The following TAPT1 variants were observed in gnomAD, a reference collection of about 807,000 sequenced individuals.
TAPT1 encodes the protein transmembrane anterior posterior transformation protein 1 homolog.
In TAPT1, 28 loss-of-function variants were observed where a neutral mutation model predicts 65.6. The observed-to-expected ratio is 0.43, with a 90% CI of 0.32 to 0.59. The LOEUF (loss-of-function observed/expected upper bound fraction) is 0.59, where lower values mean the gene tolerates loss of function less well. Among genes scored for constraint, TAPT1 ranks in the 20% least tolerant of loss-of-function variants. The pLI, the probability that TAPT1 is intolerant of heterozygous loss-of-function variation, is 0.09. For missense variants in TAPT1, 563 were observed against 679.9 expected, an observed-to-expected ratio of 0.83 and a Z score of 1.91; for synonymous variants, 278 against 245.2, an observed-to-expected ratio of 1.13 and a Z score of -1.25.
intron 12 of TAPT1, among the ~76,000 whole-genome samples, chr4:16,167,416 A>G (rs1036390687): frequency 2.0e-5 from 3 of 152,244 alleles, no homozygotes; most frequent in Non-Finnish European, 2.9e-5. Flanking sequence ...AAAAGAACAT[A>G]ATAAAATTAC....
At chr4:16,178,624 TGTC>T (rs1748501240) in intron 8 of TAPT1, among the ~76,000 whole-genome samples, 1 of 152,136 alleles carries the variant, frequency 6.6e-6, no homozygotes, top group African/African-American at 2.4e-5. Flanking sequence ...GTCCTACAAA[TGTC>T]GTAGTATTTT....
At chr4:16,190,127 T>G (rs546779688) in intron 4 of TAPT1, 1 of 152,114 alleles carries the variant, frequency 6.6e-6, no homozygotes, top group African/African-American at 2.4e-5. Context: ...GTCTTGAATT[T>G]AGGAGGTACC....
chr4:16,208,513 C>CTGGG (rs1750469057), intron 2 of TAPT1, among the ~76,000 whole-genome samples: 1 of 152,128 alleles, frequency 6.6e-6, no homozygotes, highest in Non-Finnish European at 1.5e-5. Flanking sequence ...GTGGCAATGC[C>CTGGG]CACCCCATTT....
In TAPT1 at chr4:16,175,747, C is replaced by A. The variant is rs1338587049; in HGVS notation, c.1107+372G>T. 6.6e-5 allele frequency among the ~76,000 whole-genome samples: 10 copies of A among 152,140 alleles called. No homozygotes were observed. The East Asian group carries it at 1.9e-3, about 29-fold the overall frequency. On this transcript the variant is annotated intron_variant, in intron 9 of 13. Transcript: ENST00000405303. ...CCTATTCATAATCGTGGAAAAAAAT[C>A]AACTTTTAAATATAAAATATTTTAA...
chr4:16,186,557 ATTG>A lies in TAPT1; in HGVS notation c.891_893del (p.Asn298del), dbSNP rs1218797188. On this transcript the variant is annotated inframe_deletion, in exon 7 of 14. Transcript: ENST00000405303. ...TACCGCTATTTGACATTTGAAAGAG[ATTG>A]TTCTTTTCAAACTTCTTGAAAACAC... The A allele has an allele frequency of 2.0e-6, 3 of 1,533,964 alleles. No homozygotes were observed. The East Asian group carries it at 7.3e-5, about 37-fold the overall frequency.
At chr4:16,225,848 T>C in intron 1 of TAPT1, 1 of 984,540 alleles carries the variant, frequency 1.0e-6, no homozygotes, top group South Asian at 4.7e-5. Flanking sequence ...TCAAGTTTGC[T>C]TAAAATACAG....
intron 7 of TAPT1, among the ~76,000 whole-genome samples, chr4:16,179,920 A>G (rs1444569594): frequency 6.6e-6 from 1 of 152,148 alleles, no homozygotes; most frequent in Non-Finnish European, 1.5e-5. Flanking sequence ...AACTTCAAAA[A>G]GTATTCAAAC....
intron 1 of TAPT1, chr4:16,214,523 C>A (rs183446156): frequency 6.6e-6 from 1 of 152,308 alleles, no homozygotes; most frequent in Admixed American, 6.5e-5. Flanking sequence ...CGTGTTTTTC[C>A]TCTGTTCCTC....
chr4:16,189,405 AG>A (rs1228594075), intron 4 of TAPT1, among the ~76,000 whole-genome samples: 1 of 152,212 alleles, frequency 6.6e-6, no homozygotes, highest in Non-Finnish European at 1.5e-5. Flanking sequence ...GTGAGTCTTC[AG>A]GGTCTAAGAT....
chr4:16,173,257 G>A (rs551522666), intron 11 of TAPT1, among the ~76,000 whole-genome samples: 1 of 152,056 alleles, frequency 6.6e-6, no homozygotes, highest in Non-Finnish European at 1.5e-5. Context: ...CACTAAGCCA[G>A]GCTAAACAAA....
intron 1 of TAPT1, among the ~76,000 whole-genome samples, chr4:16,223,033 C>A (rs1751344766): frequency 6.6e-6 from 1 of 152,130 alleles, no homozygotes; most frequent in African/African-American, 2.4e-5. Flanking sequence ...CTTATTTACA[C>A]CAAGCCTTCT....
At chr4:16,190,749 AT>A (rs1242945414) in intron 4 of TAPT1, 1 of 154,832 alleles carries the variant, frequency 6.5e-6, no homozygotes, top group Non-Finnish European at 1.5e-5. Context: ...GTGAATGTAT[AT>A]CAGCTCAACT....
intron 3 of TAPT1, among the ~76,000 whole-genome samples, chr4:16,196,138 AG>A (rs1749693463): frequency 6.6e-6 from 1 of 152,244 alleles, no homozygotes; most frequent in South Asian, 2.1e-4. Context: ...ACTGGAATAA[AG>A]TAGTGAAATC....
At chr4:16,172,761 G>C (rs1029576773) in intron 11 of TAPT1, among the ~76,000 whole-genome samples, 23 of 151,982 alleles carry the variant, frequency 1.5e-4, no homozygotes, top group Admixed American at 7.9e-4. Flanking sequence ...TGAGACTGCA[G>C]CTATAGAAGT....
chr4:16,205,737 A>T (rs762436230), intron 2 of TAPT1, among the ~76,000 whole-genome samples: 9 of 152,080 alleles, frequency 5.9e-5, no homozygotes, highest in Non-Finnish European at 1.2e-4. Context: ...CCAAGGAAAG[A>T]GCATGCACAG....
In TAPT1 at chr4:16,163,493, G is replaced by A; in HGVS notation, c.1519C>T (p.Pro507Ser). The A allele has an allele frequency of 6.2e-7, 1 of 1,613,978 alleles. No homozygotes were observed. Among genetic ancestry groups the A allele is most frequent in the Non-Finnish European group, 8.5e-7 (1 of 1,179,878 alleles). The change falls in exon 14 of 14, where the codon CCT becomes TCT. Residue 507 changes from proline to serine, a missense_variant. Physicochemically the swap from Pro to Ser is moderately conservative, Grantham distance 74 (BLOSUM62 -1). Transcript: ENST00000405303. ...ENLSASITKQ[P>S]IHQKENIIPL... ...ATGATATTTTCCTTTTGATGAATAGGTTGTTTGGTGATGGAGGCAGACAGG... is the reference window on the plus strand; with the variant it reads ...ATGATATTTTCCTTTTGATGAATAGATTGTTTGGTGATGGAGGCAGACAGG...
intron 1 of TAPT1, among the ~76,000 whole-genome samples, chr4:16,224,242 T>C (rs1416887746): frequency 1.3e-5 from 2 of 152,042 alleles, no homozygotes; most frequent in African/African-American, 2.4e-5. Flanking sequence ...TAAAAATTCT[T>C]AAAAGGAGGG....
chr4:16,172,843 A>T (rs1748093234), intron 11 of TAPT1, among the ~76,000 whole-genome samples: 1 of 150,344 alleles, frequency 6.7e-6, no homozygotes, highest in Non-Finnish European at 1.5e-5. Flanking sequence ...TTTTTTTTTG[A>T]GATGGAGTGT....
Position 16,202,542 on chromosome 4 carries a change from A to G in TAPT1, c.369T>C (p.Phe123=). ...AAGGAAGCAGGGTGAACACATACAA[A>G]AACGCATCCAGGCACAGAAAGATTC... ...VFGIFLCLDA[F]LYVFTLLPLR... The change falls in exon 3 of 14, where the codon TTT becomes TTC. Residue 123 remains phenylalanine (F), a synonymous_variant. Coordinates refer to ENST00000405303, the MANE Select transcript of TAPT1 (RefSeq NM_153365.3). 6.4e-7 allele frequency: 1 copy of G among 1,551,568 alleles called. No homozygotes were observed. Among genetic ancestry groups the G allele is most frequent in the Non-Finnish European group, 8.7e-7 (1 of 1,147,142 alleles).
Sources: allele counts gnomAD v4.1 joint callset (sites outside exome capture counted in the v4.1 genomes callset), GRCh38; gene constraint gnomAD v4.1.1; transcripts MANE v1.5; gene names NCBI Gene and HGNC (gene_info 2026-07-23, HGNC 2026-07-21).